Variants in PCSK6 observed in about 807,000 individuals in gnomAD.
The protein encoded by PCSK6 is proprotein convertase subtilisin/kexin type 6, also known as paired basic amino acid cleaving enzyme 4.
A neutral mutation model predicts 123.3 loss-of-function variants in PCSK6; 85 were observed. The ratio of observed to expected loss-of-function variants is 0.69; its 90% CI spans 0.58 to 0.83. The LOEUF (loss-of-function observed/expected upper bound fraction) is 0.83. Among genes scored for constraint, PCSK6 ranks in the 40% least tolerant of loss-of-function variants. PCSK6 has a pLI of 0.00. For synonymous variants in PCSK6, 508 were observed against 516.0 expected (o/e 0.98, Z 0.21); for missense variants, 1,191 against 1,282.3 (o/e 0.93, Z 1.09).
chr15:101,355,673 G>C (rs1224612624), intron 13 of PCSK6, among the ~76,000 whole-genome samples: 1 of 152,260 alleles, frequency 6.6e-6, no homozygotes, highest in East Asian at 1.9e-4. Context: ...GCCCCTTAGT[G>C]CTGACAAAGC....
At chr15:101,347,406 A>G (rs2040762993) in intron 13 of PCSK6, 8 of 1,236,914 alleles carry the variant, frequency 6.5e-6, no homozygotes, top group African/African-American at 1.5e-5. Context: ...AATTCATGGA[A>G]CTTTTTAGGA....
At position 101,443,543 on chromosome 15, in the gene PCSK6, G is replaced by C. The variant is rs780436286; in HGVS notation, c.402+13C>G. On this transcript the variant is annotated intron_variant, in intron 2 of 21. Coordinates refer to ENST00000611716, the MANE Select transcript of PCSK6 (RefSeq NM_002570.5). ...CCCTCCAGCCCTTAGGAAAGCATCCGGACACTCTGTACCTGGGGGTCCATT... is the reference window on the plus strand; with the variant it reads ...CCCTCCAGCCCTTAGGAAAGCATCCCGACACTCTGTACCTGGGGGTCCATT... 14 of 1,583,304 alleles carry C rather than the reference G, an allele frequency of 8.8e-6. No homozygotes were observed. Among genetic ancestry groups the C allele is most frequent in the Non-Finnish European group, 1.1e-5 (13 of 1,152,136 alleles).
rs540733830 is a variant in PCSK6, at chr15:101,423,700, G to A, written c.823+4192C>T. On this transcript the variant is annotated intron_variant, in intron 6 of 21. Transcript: ENST00000611716. ...ACAGTGCCTCAGTAACCTGTGAGGCGTATTAAGCAATCTAACAACTATAAC... is the reference window on the plus strand; with the variant it reads ...ACAGTGCCTCAGTAACCTGTGAGGCATATTAAGCAATCTAACAACTATAAC... 1.5e-4 allele frequency among the ~76,000 whole-genome samples: 23 copies of A among 152,162 alleles called. No homozygotes were observed. In the South Asian group the frequency reaches 1.9e-3, roughly 12 times the overall value.
chr15:101,404,791 A>G (rs2042718988), intron 6 of PCSK6, among the ~76,000 whole-genome samples: 1 of 152,196 alleles, frequency 6.6e-6, no homozygotes, highest in South Asian at 2.1e-4. Context: ...ATGGATCTCC[A>G]GGGCAGGAGA....
At chr15:101,352,887 G>C (rs1226729350) in intron 13 of PCSK6, among the ~76,000 whole-genome samples, 1 of 152,126 alleles carries the variant, frequency 6.6e-6, no homozygotes, top group Non-Finnish European at 1.5e-5. Context: ...ATAGTCTATA[G>C]GAAAAACCCT....
chr15:101,326,053 A>G (rs1159957991), intron 16 of PCSK6, among the ~76,000 whole-genome samples: 1 of 152,206 alleles, frequency 6.6e-6, no homozygotes, highest in Non-Finnish European at 1.5e-5. Flanking sequence ...CTTGAATCGC[A>G]TCCGTCTCCA....
At chr15:101,431,908 G>A in intron 3 of PCSK6, 82 bp downstream of exon 3, 1 of 966,626 alleles carries the variant, frequency 1.0e-6, no homozygotes, top group South Asian at 1.4e-5. Flanking sequence ...TTTGAATTTA[G>A]CTTTGTTGAG....
chr15:101,332,997 T>C (rs80260171), intron 13 of PCSK6, among the ~76,000 whole-genome samples: 6,021 of 152,358 alleles, frequency 0.04, 144 homozygotes, highest in South Asian at 0.099. Context: ...CTAGACTTAA[T>C]GATGGGGCTA....
intron 21 of PCSK6, among the ~76,000 whole-genome samples, chr15:101,306,896 G>A (rs773219011): frequency 6.6e-6 from 1 of 152,178 alleles, no homozygotes; most frequent in Non-Finnish European, 1.5e-5. Flanking sequence ...CGTCACATCC[G>A]GGCCACCGGC....
intron 13 of PCSK6, chr15:101,347,562 C>G: frequency 7.1e-7 from 1 of 1,414,968 alleles, no homozygotes; most frequent in Non-Finnish European, 9.3e-7. Flanking sequence ...TGCACGCACA[C>G]GCATTCATGC....
At chr15:101,404,570 G>T (rs1296328469) in intron 6 of PCSK6, among the ~76,000 whole-genome samples, 1 of 152,210 alleles carries the variant, frequency 6.6e-6, no homozygotes, top group Admixed American at 6.5e-5. Context: ...GCAGCTCACG[G>T]TAGGGGAAGA....
chr15:101,488,949 C>G (rs983851449), intron 1 of PCSK6, among the ~76,000 whole-genome samples: 2 of 149,780 alleles, frequency 1.3e-5, no homozygotes, highest in African/African-American at 4.9e-5. Context: ...AGGGGCCGCT[C>G]CCCCGCGGGG....
intron 13 of PCSK6, among the ~76,000 whole-genome samples, chr15:101,360,944 G>A (rs867833060): frequency 2.6e-5 from 4 of 152,136 alleles, no homozygotes; most frequent in Non-Finnish European, 5.9e-5. Context: ...CTTGTTTCAC[G>A]GCCTCCTCTG....
rs188069006 is a variant in PCSK6, at chr15:101,464,330, T to C, written c.298-20670A>G. ...GAGGTGGGCTCCAAGCGGGACGAAATGCAAGTAGGTCATATGTACCCACAC... is the reference window on the plus strand; with the variant it reads ...GAGGTGGGCTCCAAGCGGGACGAAACGCAAGTAGGTCATATGTACCCACAC... On this transcript the variant is annotated intron_variant, in intron 1 of 21. Coordinates refer to ENST00000611716, the MANE Select transcript of PCSK6 (RefSeq NM_002570.5). Among the ~76,000 whole-genome samples, 156 of 152,260 alleles carry C rather than the reference T, an allele frequency of 1.0e-3. 1 individual carries two copies. The highest frequency in any genetic ancestry group is 2.9e-3 in the African/African-American group (119 of 41,552).
chr15:101,418,772 C>T (rs1396374456), intron 6 of PCSK6, among the ~76,000 whole-genome samples: 1 of 152,150 alleles, frequency 6.6e-6, no homozygotes, highest in East Asian at 1.9e-4. Flanking sequence ...TTTGACCTCC[C>T]AAAGTGCTGG....
Position 101,441,755 on chromosome 15 carries a change from C to A in PCSK6, c.402+1801G>T, listed in dbSNP as rs138046622. ...GCTTATGAGATGGGCTTCCTGCATG[C>A]AAACAGCTTGCTTTCATTGTAACTA... is the stretch of plus-strand genomic sequence containing the variant. On this transcript the variant is annotated intron_variant, in intron 2 of 21. Coordinates refer to ENST00000611716, the MANE Select transcript of PCSK6 (RefSeq NM_002570.5). Among the ~76,000 whole-genome samples the A allele has an allele frequency of 1.1e-4, 17 of 152,330 alleles. No individual in the cohort carries two copies. The East Asian group carries it at 2.9e-3, about 26-fold the overall frequency.
intron 12 of PCSK6, among the ~76,000 whole-genome samples, chr15:101,367,266 C>T (rs534233492): frequency 6.6e-6 from 1 of 152,354 alleles, no homozygotes; most frequent in South Asian, 2.1e-4. Flanking sequence ...TCTTTCTGTA[C>T]TGGAATCAAT....
intron 1 of PCSK6, among the ~76,000 whole-genome samples, chr15:101,455,956 T>G (rs1567233863): frequency 2.6e-5 from 4 of 152,122 alleles, no homozygotes; most frequent in Admixed American, 2.6e-4. Flanking sequence ...AGCTGTATGC[T>G]AAGAAGTCAG....
At chr15:101,426,217 C>T (rs1490523734) in intron 6 of PCSK6, among the ~76,000 whole-genome samples, 1 of 152,168 alleles carries the variant, frequency 6.6e-6, no homozygotes, top group African/African-American at 2.4e-5. Flanking sequence ...TAGCCCAAGC[C>T]GATGGTTTCA....
Sources: allele counts gnomAD v4.1 joint callset (sites outside exome capture counted in the v4.1 genomes callset), GRCh38; gene constraint gnomAD v4.1.1; transcripts MANE v1.5; gene names NCBI Gene and HGNC (gene_info 2026-07-23, HGNC 2026-07-21).